The following PRKG1 variants were observed in gnomAD, a reference collection of about 807,000 sequenced individuals.
PRKG1 encodes protein kinase cGMP-dependent 1.
PRKG1 carries 35 observed loss-of-function variants against 88.1 expected under a neutral mutation model. That is an observed-to-expected ratio of 0.40 (90% CI 0.30 to 0.53). The LOEUF is 0.53. Among genes scored for constraint, PRKG1 ranks in the 20% least tolerant of loss-of-function variants. PRKG1 has a pLI of 0.59. For synonymous variants in PRKG1, 303 were observed against 292.5 expected (o/e 1.04, Z -0.37); for missense variants, 540 against 839.8 (o/e 0.64, Z 4.41).
intron 2 of PRKG1, among the ~76,000 whole-genome samples, chr10:51,344,483 C>T (rs1842070512): frequency 6.6e-6 from 1 of 152,260 alleles, no homozygotes; most frequent in African/African-American, 2.4e-5. Context: ...AGGGCTTAAA[C>T]GTTAGGATTG....
intron 4 of PRKG1, among the ~76,000 whole-genome samples, chr10:51,899,837 G>A (rs928055326): frequency 1.3e-5 from 2 of 151,800 alleles, no homozygotes; most frequent in Non-Finnish European, 1.5e-5. Context: ...GGTTGTGTTG[G>A]ATCATGCGGT....
At chr10:52,246,041 C>G (rs1170070357) in intron 9 of PRKG1, among the ~76,000 whole-genome samples, 1 of 152,038 alleles carries the variant, frequency 6.6e-6, no homozygotes, top group South Asian at 2.1e-4. Context: ...AAGTAAAATT[C>G]TGAGTTTCAC....
chr10:52,097,581 A>C (rs1847201002), intron 7 of PRKG1, among the ~76,000 whole-genome samples: 1 of 151,984 alleles, frequency 6.6e-6, no homozygotes, highest in African/African-American at 2.4e-5. Flanking sequence ...TGATACTTTG[A>C]TATTATACTT....
intron 3 of PRKG1, among the ~76,000 whole-genome samples, chr10:51,578,418 T>C (rs1837942279): frequency 1.3e-5 from 2 of 152,170 alleles, no homozygotes; most frequent in Admixed American, 6.5e-5. Context: ...CATTCTTCTG[T>C]CCAATCCTCA....
intron 2 of PRKG1, among the ~76,000 whole-genome samples, chr10:51,301,671 G>A (rs1052185157): frequency 6.6e-6 from 1 of 152,216 alleles, no homozygotes; most frequent in African/African-American, 2.4e-5. Context: ...GGCAGTCAAT[G>A]GAAGCCAAGC....
At chr10:51,675,933 A>G (rs1485661360) in intron 3 of PRKG1, among the ~76,000 whole-genome samples, 31 of 152,032 alleles carry the variant, frequency 2.0e-4, no homozygotes, top group Admixed American at 1.8e-3. Flanking sequence ...CCAGCCTGTC[A>G]TCATTTCAGG....
chr10:51,176,602 CACTT>C (rs746202184), intron 2 of PRKG1, among the ~76,000 whole-genome samples: 2 of 151,998 alleles, frequency 1.3e-5, no homozygotes, highest in African/African-American at 2.4e-5. Context: ...TGGAAAGAAA[CACTT>C]ACAATGAGGA....
At chr10:51,465,055 C>A (rs999405524) in intron 2 of PRKG1, among the ~76,000 whole-genome samples, 2 of 152,074 alleles carry the variant, frequency 1.3e-5, no homozygotes, top group Admixed American at 1.3e-4. Flanking sequence ...TAAATTGAAA[C>A]CCATCAGTGT....
At chr10:52,153,528 TG>T (rs1393697046) in intron 8 of PRKG1, among the ~76,000 whole-genome samples, 2 of 152,202 alleles carry the variant, frequency 1.3e-5, no homozygotes, top group Admixed American at 1.3e-4. Flanking sequence ...ATGTGTCAAA[TG>T]TGCCTGTTTC....
intron 2 of PRKG1, among the ~76,000 whole-genome samples, chr10:51,359,340 A>T (rs1842431059): frequency 6.6e-6 from 1 of 151,886 alleles, no homozygotes; most frequent in South Asian, 2.1e-4. Flanking sequence ...CTCACTAAAA[A>T]GCACTGCTTC....
chr10:52,263,417 A>T (rs1417272660), intron 10 of PRKG1, among the ~76,000 whole-genome samples: 1 of 152,114 alleles, frequency 6.6e-6, no homozygotes, highest in Non-Finnish European at 1.5e-5. Flanking sequence ...AACTTCATTG[A>T]GGTATAATTT....
At chr10:51,418,261 C>T (rs769525461) in intron 2 of PRKG1, among the ~76,000 whole-genome samples, 15 of 152,068 alleles carry the variant, frequency 9.9e-5, no homozygotes, top group Non-Finnish European at 1.9e-4. Context: ...TTGCAGAACT[C>T]GAGAGCCATA....
intron 3 of PRKG1, chr10:51,699,139 C>CG (rs959470091): frequency 6.2e-7 from 1 of 1,614,160 alleles, no homozygotes; most frequent in Non-Finnish European, 8.5e-7. Context: ...ACATCTGCTC[C>CG]GGGGGGAGAC....
At chr10:51,681,221 G>C (rs968565165) in intron 3 of PRKG1, among the ~76,000 whole-genome samples, 1 of 152,072 alleles carries the variant, frequency 6.6e-6, no homozygotes, top group Non-Finnish European at 1.5e-5. Flanking sequence ...AATTTCATTA[G>C]TGACAGGCTA....
At chr10:51,357,112 T>A (rs1168066161) in intron 2 of PRKG1, among the ~76,000 whole-genome samples, 1 of 151,974 alleles carries the variant, frequency 6.6e-6, no homozygotes, top group African/African-American at 2.4e-5. Context: ...GCCTGCTTTC[T>A]ATTAGAATGG....
At chr10:52,161,344 T>A (rs2132687560) in intron 8 of PRKG1, among the ~76,000 whole-genome samples, 1 of 152,200 alleles carries the variant, frequency 6.6e-6, no homozygotes, top group South Asian at 2.1e-4. Context: ...TTCTGTGATC[T>A]TCTCCTTTTG....
chr10:51,507,164 G>T (rs1262525424), intron 3 of PRKG1, among the ~76,000 whole-genome samples: 1 of 138,690 alleles, frequency 7.2e-6, no homozygotes, highest in African/African-American at 2.6e-5. Context: ...AGTAGGGGGA[G>T]GGGGGAGGGA....
chr10:51,436,504 T>A (rs1838935681), intron 2 of PRKG1, among the ~76,000 whole-genome samples: 1 of 151,978 alleles, frequency 6.6e-6, no homozygotes, highest in African/African-American at 2.4e-5. Context: ...AGGGTGTGAC[T>A]AACATCCATT....
intron 7 of PRKG1, among the ~76,000 whole-genome samples, chr10:52,084,124 C>G (rs1846850616): frequency 6.6e-6 from 1 of 151,966 alleles, no homozygotes; most frequent in Non-Finnish European, 1.5e-5. Flanking sequence ...GATAGCCCAA[C>G]TTTACAAGGA....
Sources: allele counts gnomAD v4.1 joint callset (sites outside exome capture counted in the v4.1 genomes callset), GRCh38; gene constraint gnomAD v4.1.1; transcripts MANE v1.5; gene names NCBI Gene and HGNC (gene_info 2026-07-23, HGNC 2026-07-21).